FOXC1: variants seen among roughly 807,000 people sequenced by gnomAD.
FOXC1 encodes forkhead box protein C1.
In FOXC1, 5 loss-of-function variants were observed where a neutral mutation model predicts 8.1. The observed-to-expected ratio is 0.62, with a 90% CI of 0.32 to 1.30. FOXC1 has a LOEUF of 1.30. Among genes scored for constraint, FOXC1 ranks in the 50% most tolerant of loss-of-function variants. FOXC1 has a pLI of 0.05. For missense variants in FOXC1, 942 were observed against 858.0 expected, an observed-to-expected ratio of 1.10 and a Z score of -1.22; for synonymous variants, 552 against 417.2, an observed-to-expected ratio of 1.32 and a Z score of -3.94.
Position 1,613,672 on chromosome 6 carries a change from G to T in FOXC1, c.*1565G>T, listed in dbSNP as rs185531077. 8 of 218,080 alleles carry T rather than the reference G, an allele frequency of 3.7e-5. No homozygotes were observed. 13.5% of individuals were successfully genotyped at this position (218,080 alleles called of 1,614,324 possible). The stretch of plus-strand genomic sequence containing the variant: ...GAAATGTAATAAATTCATTATCTTA[G>T]GGTGATCTGCCCTGCCAATCAGACT... On this transcript the variant is annotated 3_prime_UTR_variant, in exon 1 of 1. Transcript: ENST00000645831.
At position 1,611,437 on chromosome 6, in the gene FOXC1, G is replaced by A; in HGVS notation, c.992G>A (p.Gly331Asp). The A allele has an allele frequency of 1.4e-6, 2 of 1,406,446 alleles. No homozygotes were observed. Among genetic ancestry groups the A allele is most frequent in the Non-Finnish European group, 1.8e-6 (2 of 1,081,446 alleles). The allele number at this position is 1,406,446 out of a possible 1,614,324, so 87.1% of individuals were successfully genotyped here. The change falls in exon 1 of 1, where the codon GGC becomes GAC. Residue 331 changes from glycine to aspartate, a missense_variant. By Grantham distance (94) the Gly-to-Asp change is moderately conservative (BLOSUM62 -1). Transcript: ENST00000645831. The surrounding 1 kb of genome is among the most constrained non-coding windows in gnomAD (Gnocchi z 7.1). Reference sequence around the variant, plus strand: ...AGCGCGGCCGCGGAGCTCAGCTCCGGCCTTCTGGCCTCGGCGGCCGCGTCC... The same window carrying A: ...AGCGCGGCCGCGGAGCTCAGCTCCGACCTTCTGGCCTCGGCGGCCGCGTCC... Reference protein sequence around the residue: ...PQSAAAELSSGLLASAAASSR... With the variant: ...PQSAAAELSSDLLASAAASSR...
In FOXC1 at chr6:1,612,069, A is replaced by T; in HGVS notation, c.1624A>T (p.Thr542Ser). ...AFPSSQSLYR[T>S]SGAFVYDCSK... ...CCCTTCCAGCCAGTCTCTGTACCGCACGTCCGGAGCTTTCGTCTACGACTG... is the reference window on the plus strand; with the variant it reads ...CCCTTCCAGCCAGTCTCTGTACCGCTCGTCCGGAGCTTTCGTCTACGACTG... The change falls in exon 1 of 1, where the codon ACG (threonine) becomes TCG (serine). Residue 542 changes from threonine to serine, a missense_variant. By Grantham distance (58) the Thr-to-Ser change is moderately conservative. Around this residue, in one of 4 missense-constraint regions of FOXC1, gnomAD observed 726 missense variants for 599.6 expected, o/e 1.21. Transcript: ENST00000645831. The T allele has an allele frequency of 1.9e-6, 3 of 1,614,056 alleles. No homozygotes were observed. Among genetic ancestry groups the T allele is most frequent in the South Asian group, 2.2e-5 (2 of 91,078 alleles).
In FOXC1 at chr6:1,613,294, A is replaced by T. The variant is rs984253; in HGVS notation, c.*1187A>T. The T allele has an allele frequency of 0.68, 157,515 of 230,834 alleles. 56,423 individuals are homozygous for T. The highest frequency in any genetic ancestry group is 0.93 in the African/African-American group (41,158 of 44,440). The allele number at this position is 230,834 out of a possible 1,614,324, so 14.3% of individuals were successfully genotyped here. A position where few individuals can be genotyped will look rare whatever the true frequency, so the allele number is the denominator to read the frequency against. On this transcript the variant is annotated 3_prime_UTR_variant, in exon 1 of 1. Coordinates refer to ENST00000645831, the MANE Select transcript of FOXC1 (RefSeq NM_001453.3). ...CCTGTGAGCCAGATGCTGAATAGAT[A>T]TTTTCCTATTATTTCAGTCCTTTAT...
chr6:1,612,296 T>C lies in FOXC1; in HGVS notation c.*189T>C. On this transcript the variant is annotated 3_prime_UTR_variant, in exon 1 of 1. Coordinates refer to ENST00000645831, the MANE Select transcript of FOXC1 (RefSeq NM_001453.3). Reference sequence around the variant, plus strand: ...AGCACCAGCACGAAGAAAACTCTATTTTCTTAACCGATTAATTCAGAGCCA... The same window carrying C: ...AGCACCAGCACGAAGAAAACTCTATCTTCTTAACCGATTAATTCAGAGCCA... 5.8e-6 allele frequency: 5 copies of C among 857,092 alleles called. No homozygotes were observed. Among genetic ancestry groups the C allele is most frequent in the Non-Finnish European group, 9.1e-6 (5 of 552,148 alleles). 53.1% of individuals were successfully genotyped at this position (857,092 alleles called of 1,614,324 possible). A position where few individuals can be genotyped will look rare whatever the true frequency, so the allele number is the denominator to read the frequency against.
At position 1,611,772 on chromosome 6, in the gene FOXC1, T is replaced by A; in HGVS notation, c.1327T>A (p.Ser443Thr). 1 of 1,466,600 alleles carries A rather than the reference T, an allele frequency of 6.8e-7. No homozygotes were observed. Among genetic ancestry groups the A allele is most frequent in the Non-Finnish European group, 9.0e-7 (1 of 1,116,534 alleles). The allele number at this position is 1,466,600 out of a possible 1,614,324, so 90.8% of individuals were successfully genotyped here. A position where few individuals can be genotyped will look rare whatever the true frequency, so the allele number is the denominator to read the frequency against. The change falls in exon 1 of 1, where the codon TCC becomes ACC. Residue 443 changes from serine (S) to threonine (T), a missense_variant. Physicochemically the swap from Ser to Thr is moderately conservative, Grantham distance 58. This residue lies in a region of FOXC1 where 726 missense variants were observed against 599.6 expected (regional missense o/e 1.21). Coordinates refer to ENST00000645831, the MANE Select transcript of FOXC1 (RefSeq NM_001453.3). This position sits in a 1 kb window ranked among gnomAD's most constrained non-coding sequence, Gnocchi z 7.1. ...LPPVTSSSSS[S>T]LSHGGGGGGG... ...TCCGGTCACCAGCAGCAGCTCGTCG[T>A]CCCTGAGTCACGGCGGCGGCGGCGG...
rs1194968851 is a variant in FOXC1, at chr6:1,611,439, C to T, written c.994C>T (p.Leu332Phe). 6 of 1,407,708 alleles carry T rather than the reference C, an allele frequency of 4.3e-6. No individual in the cohort carries two copies. The highest frequency in any genetic ancestry group is 6.4e-5 in the East Asian group (2 of 31,134). The allele number at this position is 1,407,708 out of a possible 1,614,324, so 87.2% of individuals were successfully genotyped here. A position where few individuals can be genotyped will look rare whatever the true frequency, so the allele number is the denominator to read the frequency against. The change falls in exon 1 of 1, where the codon CTT (leucine) becomes TTT (phenylalanine). Residue 332 changes from leucine (L) to phenylalanine (F), a missense_variant. This residue lies in a region of FOXC1 where 726 missense variants were observed against 599.6 expected (regional missense o/e 1.21). Transcript: ENST00000645831. This position sits in a 1 kb window ranked among gnomAD's most constrained non-coding sequence, Gnocchi z 7.1. ...CGCGGCCGCGGAGCTCAGCTCCGGC[C>T]TTCTGGCCTCGGCGGCCGCGTCCTC... Reference protein sequence around the residue: ...QSAAAELSSGLLASAAASSRA... With the variant: ...QSAAAELSSGFLASAAASSRA...
At position 1,613,223 on chromosome 6, in the gene FOXC1, T is replaced by C. The variant is rs939615139; in HGVS notation, c.*1116T>C. The C allele has an allele frequency of 8.4e-6, 2 of 239,004 alleles. No homozygotes were observed. Among genetic ancestry groups the C allele is most frequent in the Non-Finnish European group, 1.8e-5 (2 of 112,626 alleles). 14.8% of individuals were successfully genotyped at this position (239,004 alleles called of 1,614,324 possible). On this transcript the variant is annotated 3_prime_UTR_variant, in exon 1 of 1. Transcript: ENST00000645831. ...GCGGCCAGATATGCACAGATAAATA[T>C]TTGGCTTGTGTATTCCATATAAAAT... is the stretch of plus-strand genomic sequence containing the variant.
rs150084174 is a variant in FOXC1, at chr6:1,610,640, G to A, written c.195G>A (p.Gly65=). Residue 65 remains glycine (G), a synonymous_variant, in exon 1 of 1, where the codon GGG becomes GGA. Coordinates refer to ENST00000645831, the MANE Select transcript of FOXC1 (RefSeq NM_001453.3). ...CGGGCGGCATGGCCCGCGCCTACGG[G>A]CCCTACACGCCGCAGCCGCAGCCCA... is the stretch of plus-strand genomic sequence containing the variant. ...QYPGGMARAY[G]PYTPQPQPKD... 44 of 1,612,578 alleles carry A rather than the reference G, an allele frequency of 2.7e-5. No individual in the cohort carries two copies. Among genetic ancestry groups the A allele is most frequent in the Middle Eastern group, 3.5e-4 (2 of 5,686 alleles).
In FOXC1 at chr6:1,611,386, T is replaced by C; in HGVS notation, c.941T>C (p.Met314Thr). 6.9e-7 allele frequency: 1 copy of C among 1,449,910 alleles called. No individual in the cohort carries two copies. The highest frequency in any genetic ancestry group is 9.1e-7 in the Non-Finnish European group (1 of 1,103,240). 89.8% of individuals were successfully genotyped at this position (1,449,910 alleles called of 1,614,324 possible). The change falls in exon 1 of 1, where the codon ATG becomes ACG. Residue 314 changes from methionine to threonine, a missense_variant. Physicochemically the swap from Met to Thr is moderately conservative, Grantham distance 81. Around this residue, in one of 4 missense-constraint regions of FOXC1, gnomAD observed 726 missense variants for 599.6 expected, o/e 1.21. Transcript: ENST00000645831. This position sits in a 1 kb window ranked among gnomAD's most constrained non-coding sequence, Gnocchi z 7.1. ...HSQGFSVDNI[M>T]TSLRGSPQSA... is the part of the protein sequence containing the mutation. ...CAGGGCTTCAGCGTGGACAACATCA[T>C]GACGTCGCTGCGGGGGTCGCCGCAG...
In FOXC1 at chr6:1,610,605, G is replaced by C; in HGVS notation, c.160G>C (p.Glu54Gln). The part of the protein sequence containing the change: ...MSVYSHPAHA[E>Q]QYPGGMARAY... ...CGTGTACTCGCACCCTGCGCACGCC[G>C]AGCAGTACCCGGGCGGCATGGCCCG... Residue 54 changes from glutamate (E) to glutamine (Q), a missense_variant, in exon 1 of 1, where the codon GAG (glutamate) becomes CAG (glutamine). This residue lies in a region of FOXC1 where 190 missense variants were observed against 176.8 expected (regional missense o/e 1.07). Transcript: ENST00000645831. 1 of 1,609,654 alleles carries C rather than the reference G, an allele frequency of 6.2e-7. No homozygotes were observed. The highest frequency in any genetic ancestry group is 8.5e-7 in the Non-Finnish European group (1 of 1,178,868).
In FOXC1 at chr6:1,612,138, C is replaced by T. The variant is rs1429781292; in HGVS notation, c.*31C>T. The T allele has an allele frequency of 3.7e-6, 6 of 1,613,480 alleles. No individual in the cohort carries two copies. Among genetic ancestry groups the T allele is most frequent in the Non-Finnish European group, 5.1e-6 (6 of 1,179,990 alleles). ...CCTCAAAGCCGAACTAAATCGAACC[C>T]CAAAGCAGGAAAAGCTAAAGGAACC... On this transcript the variant is annotated 3_prime_UTR_variant, in exon 1 of 1. Coordinates refer to ENST00000645831, the MANE Select transcript of FOXC1 (RefSeq NM_001453.3).
In FOXC1 at chr6:1,611,022, G is replaced by C; in HGVS notation, c.577G>C (p.Glu193Gln). The C allele has an allele frequency of 6.3e-7, 1 of 1,582,826 alleles. No individual in the cohort carries two copies. Among genetic ancestry groups the C allele is most frequent in the Non-Finnish European group, 8.6e-7 (1 of 1,165,658 alleles). Residue 193 changes from glutamate to glutamine, a missense_variant, in exon 1 of 1, where the codon GAG becomes CAG. Glu to Gln is a conservative substitution (Grantham distance 29). This residue lies in a region of FOXC1 where 726 missense variants were observed against 599.6 expected (regional missense o/e 1.21). Coordinates refer to ENST00000645831, the MANE Select transcript of FOXC1 (RefSeq NM_001453.3). The surrounding 1 kb of genome is among the most constrained non-coding windows in gnomAD (Gnocchi z 7.1). ...KEEKDRLHLK[E>Q]PPPPGRQPPP... ...GGAGAAGGACAGGCTGCACCTCAAG[G>C]AGCCGCCCCCGCCCGGCCGCCAGCC... is the stretch of plus-strand genomic sequence containing the variant.
In FOXC1 at chr6:1,611,634, C is replaced by A; in HGVS notation, c.1189C>A (p.Leu397Met). ...AGGAGTYHCN[L>M]QAMSLYAAGE... ...CGGCGCCGGGACCTACCACTGCAACCTGCAAGCCATGAGCCTGTACGCGGC... is the reference window on the plus strand; with the variant it reads ...CGGCGCCGGGACCTACCACTGCAACATGCAAGCCATGAGCCTGTACGCGGC... The change falls in exon 1 of 1, where the codon CTG becomes ATG. Residue 397 changes from leucine (L) to methionine (M), a missense_variant. By Grantham distance (15) the Leu-to-Met change is conservative. Transcript: ENST00000645831. This position sits in a 1 kb window ranked among gnomAD's most constrained non-coding sequence, Gnocchi z 7.1. The A allele has an allele frequency of 1.5e-6, 2 of 1,319,172 alleles. No homozygotes were observed. The highest frequency in any genetic ancestry group is 9.6e-7 in the Non-Finnish European group (1 of 1,043,112). 81.7% of individuals were successfully genotyped at this position (1,319,172 alleles called of 1,614,324 possible).
At position 1,611,320 on chromosome 6, in the gene FOXC1, C is replaced by T. The variant is rs1358861014; in HGVS notation, c.875C>T (p.Pro292Leu). The change falls in exon 1 of 1, where the codon CCG becomes CTG. Residue 292 changes from proline to leucine, a missense_variant. This residue lies in a region of FOXC1 where 726 missense variants were observed against 599.6 expected (regional missense o/e 1.21). Coordinates refer to ENST00000645831, the MANE Select transcript of FOXC1 (RefSeq NM_001453.3). This position sits in a 1 kb window ranked among gnomAD's most constrained non-coding sequence, Gnocchi z 7.1. ...PLSLDGADSA[P>L]PPPAPSAPPP... ...AGCCTGGACGGTGCGGATTCCGCGCCGCCGCCGCCCGCGCCCTCCGCCCCG... is the reference window on the plus strand; with the variant it reads ...AGCCTGGACGGTGCGGATTCCGCGCTGCCGCCGCCCGCGCCCTCCGCCCCG... 7.1e-7 allele frequency: 1 copy of T among 1,411,266 alleles called. No individual in the cohort carries two copies. Among genetic ancestry groups the T allele is most frequent in the Non-Finnish European group, 9.2e-7 (1 of 1,081,362 alleles). The allele number at this position is 1,411,266 out of a possible 1,614,324, so 87.4% of individuals were successfully genotyped here.
At position 1,611,202 on chromosome 6, in the gene FOXC1, G is replaced by A; in HGVS notation, c.757G>A (p.Ala253Thr). 6.9e-7 allele frequency: 1 copy of A among 1,459,744 alleles called. No homozygotes were observed. Among genetic ancestry groups the A allele is most frequent in the Non-Finnish European group, 9.0e-7 (1 of 1,105,612 alleles). 90.4% of individuals were successfully genotyped at this position (1,459,744 alleles called of 1,614,324 possible). The change falls in exon 1 of 1, where the codon GCG becomes ACG. Residue 253 changes from alanine to threonine, a missense_variant. By Grantham distance (58) the Ala-to-Thr change is moderately conservative. This residue lies in a region of FOXC1 where 726 missense variants were observed against 599.6 expected (regional missense o/e 1.21). Transcript: ENST00000645831. This position sits in a 1 kb window ranked among gnomAD's most constrained non-coding sequence, Gnocchi z 7.1. ...AAALGSGSAA[A>T]VPKIESPDSS... ...CGCCCTGGGCAGCGGCAGCGCCGCC[G>A]CGGTGCCCAAGATCGAGAGCCCCGA... is the stretch of plus-strand genomic sequence containing the variant.
In FOXC1 at chr6:1,611,930, A is replaced by G. The variant is rs1334903055; in HGVS notation, c.1485A>G (p.Ala495=). ...LASAAAAAAA[A]GYPGQQQNFH... ...GCGCGGCGGCGGCGGCGGCGGCCGCAGGCTACCCGGGCCAGCAGCAGAACT... is the reference window on the plus strand; with the variant it reads ...GCGCGGCGGCGGCGGCGGCGGCCGCGGGCTACCCGGGCCAGCAGCAGAACT... Residue 495 remains alanine (A), a synonymous_variant, in exon 1 of 1, where the codon GCA becomes GCG. Coordinates refer to ENST00000645831, the MANE Select transcript of FOXC1 (RefSeq NM_001453.3). This position sits in a 1 kb window ranked among gnomAD's most constrained non-coding sequence, Gnocchi z 7.1. 2.5e-6 allele frequency: 4 copies of G among 1,569,476 alleles called. No homozygotes were observed. The highest frequency in any genetic ancestry group is 3.5e-6 in the Non-Finnish European group (4 of 1,157,424).
Position 1,611,128 on chromosome 6 carries a change from C to T in FOXC1, c.683C>T (p.Thr228Ile), listed in dbSNP as rs1402674342. ...PPPVRIQDIK[T>I]ENGTCPSPPQ... ...CCCGTGCGCATCCAGGACATCAAGA[C>T]CGAGAACGGTACGTGCCCCTCGCCG... Residue 228 changes from threonine (T) to isoleucine (I), a missense_variant, in exon 1 of 1, where the codon ACC (threonine) becomes ATC (isoleucine). Thr to Ile is a moderately conservative substitution (Grantham distance 89, BLOSUM62 -1). Around this residue, in one of 4 missense-constraint regions of FOXC1, gnomAD observed 726 missense variants for 599.6 expected, o/e 1.21. Transcript: ENST00000645831. This position sits in a 1 kb window ranked among gnomAD's most constrained non-coding sequence, Gnocchi z 7.1. 7 of 1,426,604 alleles carry T rather than the reference C, an allele frequency of 4.9e-6. No homozygotes were observed. Among genetic ancestry groups the T allele is most frequent in the African/African-American group, 3.0e-5 (2 of 66,632 alleles). 88.4% of individuals were successfully genotyped at this position (1,426,604 alleles called of 1,614,324 possible).
At position 1,611,804 on chromosome 6, in the gene FOXC1, C is replaced by CGGG. The variant is rs1762559191; in HGVS notation, c.1362_1364dup (p.Gly456dup). 5 of 1,458,812 alleles carry CGGG rather than the reference C, an allele frequency of 3.4e-6. No homozygotes were observed. The highest frequency in any genetic ancestry group is 2.7e-5 in the South Asian group (2 of 73,848). The allele number at this position is 1,458,812 out of a possible 1,614,324, so 90.4% of individuals were successfully genotyped here. A position where few individuals can be genotyped will look rare whatever the true frequency, so the allele number is the denominator to read the frequency against. On this transcript the variant is annotated inframe_insertion, in exon 1 of 1. Coordinates refer to ENST00000645831, the MANE Select transcript of FOXC1 (RefSeq NM_001453.3). This position sits in a 1 kb window ranked among gnomAD's most constrained non-coding sequence, Gnocchi z 7.1. ...GTCACGGCGGCGGCGGCGGCGGCGG[C>CGGG]GGGGGAGGCCAGGAGGCCGGCCACC... is the stretch of plus-strand genomic sequence containing the variant.
rs1762546285 is a variant in FOXC1 at position 1,611,501 on chromosome 6, C to A, written c.1056C>A (p.Ala352=). Residue 352 remains alanine (A), a synonymous_variant, in exon 1 of 1, where the codon GCC becomes GCA. Coordinates refer to ENST00000645831, the MANE Select transcript of FOXC1 (RefSeq NM_001453.3). The surrounding 1 kb of genome is among the most constrained non-coding windows in gnomAD (Gnocchi z 7.1). Reference sequence around the variant, plus strand: ...TCGCACCCCCGCTGGCGCTCGGCGCCTACTCGCCCGGCCAGAGCTCCCTCT... The same window carrying A: ...TCGCACCCCCGCTGGCGCTCGGCGCATACTCGCCCGGCCAGAGCTCCCTCT... ...AGIAPPLALG[A]YSPGQSSLYS... The A allele has an allele frequency of 3.6e-6, 5 of 1,372,648 alleles. No individual in the cohort carries two copies. In the South Asian group the frequency reaches 4.6e-5, roughly 13 times the overall value. The allele number at this position is 1,372,648 out of a possible 1,614,324, so 85.0% of individuals were successfully genotyped here. A position where few individuals can be genotyped will look rare whatever the true frequency, so the allele number is the denominator to read the frequency against.
Sources: allele counts gnomAD v4.1 joint callset, GRCh38; gene constraint gnomAD v4.1.1; regional missense constraint gnomAD v4.1.1; non-coding constraint Gnocchi (gnomAD v3.1); transcripts MANE v1.5; gene names NCBI Gene and HGNC (gene_info 2026-07-23, HGNC 2026-07-21).